Variants in ZNF333 observed in about 807,000 individuals in gnomAD.
ZNF333 encodes the protein zinc finger protein 333.
A neutral mutation model predicts 76.1 loss-of-function variants in ZNF333; 61 were observed. The observed-to-expected ratio is 0.80, with a 90% CI of 0.65 to 0.99. The LOEUF is 0.99. ZNF333 is among the 50% of genes least tolerant of loss of function. The pLI is 0.00. For synonymous variants in ZNF333, 284 were observed against 305.0 expected (o/e 0.93, Z 0.72); for missense variants, 717 against 822.4 (o/e 0.87, Z 1.57).
At chr19:14,703,310 G>C (rs2042016706) in intron 5 of ZNF333, among the ~76,000 whole-genome samples, 1 of 152,004 alleles carries the variant, frequency 6.6e-6, no homozygotes, top group Admixed American at 6.6e-5. Context: ...CTCCCACCGG[G>C]TCCCTCCCAT....
In ZNF333 at chr19:14,699,222, G is replaced by A. The variant is rs770170408; in HGVS notation, c.247G>A (p.Glu83Lys). 1.8e-5 allele frequency: 29 copies of A among 1,613,694 alleles called. No individual in the cohort carries two copies. The highest frequency in any genetic ancestry group is 1.6e-4 in the Middle Eastern group (1 of 6,062). ...AGCCTGGGAATCTCAACTTAAACCCGAAGAGTTGCCTTCTATGCAGGATCT... is the reference window on the plus strand; with the variant it reads ...AGCCTGGGAATCTCAACTTAAACCCAAAGAGTTGCCTTCTATGCAGGATCT... ...GVAWESQLKP[E>K]ELPSMQDLLE... The change falls in exon 5 of 12, where the codon GAA becomes AAA. Residue 83 changes from glutamate to lysine, a missense_variant. Physicochemically the swap from Glu to Lys is moderately conservative, Grantham distance 56. Transcript: ENST00000292530.
chr19:14,715,567 G>T, intron 8 of ZNF333, 97 bp downstream of exon 8: 1 of 1,204,924 alleles, frequency 8.3e-7, no homozygotes, highest in Non-Finnish European at 1.2e-6. Context: ...CATAGGGTTG[G>T]TCTCCATGCT....
At chr19:14,698,848 CAAAA>C (rs1471801357) in intron 4 of ZNF333, among the ~76,000 whole-genome samples, 2 of 96,386 alleles carry the variant, frequency 2.1e-5, no homozygotes, top group African/African-American at 1.1e-4. Context: ...TCAAAAAAAA[CAAAA>C]AACAAAAAAC....
chr19:14,712,039 G>A (rs1014348698), intron 7 of ZNF333, among the ~76,000 whole-genome samples: 4 of 152,118 alleles, frequency 2.6e-5, no homozygotes, highest in African/African-American at 9.6e-5. Context: ...TAGCGGGAAT[G>A]GGTGGGAGAG....
Position 14,718,930 on chromosome 19 carries a change from G to A in ZNF333, c.1603G>A (p.Glu535Lys). 6.2e-7 allele frequency: 1 copy of A among 1,614,140 alleles called. No individual in the cohort carries two copies. The highest frequency in any genetic ancestry group is 1.1e-5 in the South Asian group (1 of 91,080). The change falls in exon 12 of 12, where the codon GAG (glutamate) becomes AAG (lysine). Residue 535 changes from glutamate (E) to lysine (K), a missense_variant. Coordinates refer to ENST00000292530, the MANE Select transcript of ZNF333 (RefSeq NM_032433.4). ...KRIHTGEKLY[E>K]CATCGQVLSR... is the part of the protein sequence containing the mutation. ...GATACACACAGGGGAGAAACTGTATGAGTGCGCGACTTGCGGTCAGGTCTT... is the reference window on the plus strand; with the variant it reads ...GATACACACAGGGGAGAAACTGTATAAGTGCGCGACTTGCGGTCAGGTCTT...
intron 2 of ZNF333, among the ~76,000 whole-genome samples, chr19:14,693,802 C>A (rs1972948448): frequency 1.3e-5 from 2 of 151,950 alleles, no homozygotes; most frequent in Non-Finnish European, 2.9e-5. Context: ...AATATAAATT[C>A]AGCTTAAATT....
chr19:14,694,914 T>G lies in ZNF333; in HGVS notation c.4-96T>G, dbSNP rs535899270. The G allele has an allele frequency of 5.0e-4, 781 of 1,566,044 alleles. 4 individuals carry two copies. The highest frequency in any genetic ancestry group is 4.1e-5 in the Non-Finnish European group (47 of 1,145,522). On this transcript the variant is annotated intron_variant, in intron 2 of 11. Transcript: ENST00000292530. ...TTTAGGCTGGATTTTCCATGCCTGC[T>G]GTGTCTGAACATTTTCTCTTCTCCA... is the stretch of plus-strand genomic sequence containing the variant.
intron 1 of ZNF333, 21 bp downstream of exon 1, chr19:14,690,171 A>AGGGCGGGGG (rs1972644782): frequency 2.0e-5 from 1 of 49,668 alleles, no homozygotes. Flanking sequence ...GCCCCTCGGG[A>AGGGCGGGGG]GGGCGGGGAG....
In ZNF333 at chr19:14,696,568, T is replaced by C. The variant is rs558667779; in HGVS notation, c.223+907T>C. Among the ~76,000 whole-genome samples the C allele has an allele frequency of 1.1e-4, 17 of 152,116 alleles. 1 individual carries two copies. Among genetic ancestry groups the C allele is most frequent in the African/African-American group, 3.4e-4 (14 of 41,508 alleles). Reference sequence around the variant, plus strand: ...GCTGGGAAGTCTAAGGCTGAGGGGCTGCATCTGGTAAGGGCCTTCTTGCAG... The same window carrying C: ...GCTGGGAAGTCTAAGGCTGAGGGGCCGCATCTGGTAAGGGCCTTCTTGCAG... On this transcript the variant is annotated intron_variant, in intron 4 of 11. Coordinates refer to ENST00000292530, the MANE Select transcript of ZNF333 (RefSeq NM_032433.4).
chr19:14,710,265 GCC>G (rs930003248), intron 7 of ZNF333, among the ~76,000 whole-genome samples: 5 of 152,340 alleles, frequency 3.3e-5, no homozygotes, highest in African/African-American at 1.2e-4. Flanking sequence ...GCACCCCCCA[GCC>G]CACCTGTGAG....
At chr19:14,709,253 C>T (rs1242409583) in intron 7 of ZNF333, 1 of 152,228 alleles carries the variant, frequency 6.6e-6, no homozygotes, top group Non-Finnish European at 1.5e-5. Flanking sequence ...TTTATAAATT[C>T]CCCAGTCTCA....
intron 7 of ZNF333, 150 bp from the exon 8 acceptor site, chr19:14,715,230 GAT>G (rs950459290): frequency 6.1e-5 from 38 of 625,388 alleles, no homozygotes; most frequent in African/African-American, 5.7e-4. Flanking sequence ...AGAGCTTGCA[GAT>G]ATGTGTCTGC....
downstream of ZNF333, among the ~76,000 whole-genome samples, chr19:14,725,954 C>T (rs185838057): frequency 4.6e-3 from 696 of 152,252 alleles, 1 homozygote; most frequent in Non-Finnish European, 7.2e-3. Flanking sequence ...TGTGGGGGTA[C>T]GGGGGAATCC....
At chr19:14,724,734 C>T (rs2147038513), downstream of ZNF333, among the ~76,000 whole-genome samples, 1 of 152,284 alleles carries the variant, frequency 6.6e-6, no homozygotes. Context: ...CCATTGCACT[C>T]CAGCCTGGGC....
intron 7 of ZNF333, among the ~76,000 whole-genome samples, chr19:14,714,525 CG>C (rs1336272645): frequency 1.3e-5 from 2 of 152,138 alleles, no homozygotes; most frequent in Non-Finnish European, 2.9e-5. Context: ...TTGGACTCCT[CG>C]TCTCTAAAAC....
At chr19:14,698,428 C>T (rs1336697049) in intron 4 of ZNF333, among the ~76,000 whole-genome samples, 3 of 150,794 alleles carry the variant, frequency 2.0e-5, no homozygotes, top group African/African-American at 7.4e-5. Flanking sequence ...GCCTGTAATC[C>T]CAGCTACTTG....
chr19:14,699,065 AT>A, intron 4 of ZNF333, 133 bp from the exon 5 acceptor site: 1 of 599,092 alleles, frequency 1.7e-6, no homozygotes, highest in Non-Finnish European at 2.8e-6. Flanking sequence ...GAATATTTAT[AT>A]TCAACATTAA....
chr19:14,709,969 G>A (rs1448470002), intron 7 of ZNF333, among the ~76,000 whole-genome samples: 1 of 152,196 alleles, frequency 6.6e-6, no homozygotes, highest in Non-Finnish European at 1.5e-5. Context: ...TCAGCTGTTG[G>A]GCTGTCAGGA....
Position 14,695,083 on chromosome 19 carries a change from G to A in ZNF333, c.77G>A (p.Ser26Asn), listed in dbSNP as rs542712214. ...EWALLDSARR[S>N]LCKYRMLDQC... ...GCATTGCTGGACAGCGCACGGAGGAGCCTGTGCAAATACAGGATGCTTGAC... is the reference window on the plus strand; with the variant it reads ...GCATTGCTGGACAGCGCACGGAGGAACCTGTGCAAATACAGGATGCTTGAC... The change falls in exon 3 of 12, where the codon AGC (serine) becomes AAC (asparagine). Residue 26 changes from serine to asparagine, a missense_variant. By Grantham distance (46) the Ser-to-Asn change is conservative. Transcript: ENST00000292530. The A allele has an allele frequency of 6.2e-7, 1 of 1,614,000 alleles. No homozygotes were observed. Among genetic ancestry groups the A allele is most frequent in the East Asian group, 2.2e-5 (1 of 44,898 alleles).
Sources: gnomAD v4.1 joint callset for allele counts (sites outside exome capture counted in the v4.1 genomes callset) on GRCh38, gnomAD v4.1.1 for gene constraint, MANE v1.5 for transcripts, NCBI Gene and HGNC (gene_info 2026-07-23, HGNC 2026-07-21) for gene names.